The following CDH18 variants were observed in gnomAD, a reference collection of about 807,000 sequenced individuals.
CDH18 encodes cadherin-18.
CDH18 carries 31 observed loss-of-function variants against 67.9 expected under a neutral mutation model. That is an observed-to-expected ratio of 0.46 (90% CI 0.34 to 0.62). CDH18 has a LOEUF of 0.62. Ranked by LOEUF, CDH18 falls within the 20% of genes least tolerant of loss-of-function variation. The pLI, the probability that CDH18 is intolerant of heterozygous loss-of-function variation, is 0.01. For missense variants in CDH18, 890 were observed against 975.5 expected, an observed-to-expected ratio of 0.91 and a Z score of 1.17; for synonymous variants, 362 against 347.2, an observed-to-expected ratio of 1.04 and a Z score of -0.48.
At chr5:20,521,238 A>C (rs1323538120) in intron 1 of CDH18, among the ~76,000 whole-genome samples, 1 of 152,100 alleles carries the variant, frequency 6.6e-6, no homozygotes, top group African/African-American at 2.4e-5. Flanking sequence ...GAAATGTTTT[A>C]TTTCTTGACT....
chr5:19,848,269 G>A (rs1274625945), intron 2 of CDH18: 2 of 152,164 alleles, frequency 1.3e-5, no homozygotes, highest in Non-Finnish European at 2.9e-5. Context: ...AAGCTAGAAT[G>A]TTGGACACAT....
chr5:20,027,018 A>G (rs1738964506), intron 2 of CDH18, among the ~76,000 whole-genome samples: 1 of 151,934 alleles, frequency 6.6e-6, no homozygotes, highest in Non-Finnish European at 1.5e-5. Context: ...ACATAAAAAA[A>G]TAAATAAATA....
chr5:20,528,881 A>C (rs1756227620), intron 1 of CDH18, among the ~76,000 whole-genome samples: 1 of 152,108 alleles, frequency 6.6e-6, no homozygotes. Context: ...GGAGACAAGA[A>C]ATAACCAAGT....
At chr5:20,171,931 T>C (rs551140481) in intron 2 of CDH18, among the ~76,000 whole-genome samples, 5 of 151,554 alleles carry the variant, frequency 3.3e-5, no homozygotes, top group African/African-American at 1.2e-4. Context: ...AGTTTCAGCC[T>C]TCTGCATATG....
At chr5:19,737,260 T>C (rs1265070755) in intron 4 of CDH18, among the ~76,000 whole-genome samples, 1 of 152,194 alleles carries the variant, frequency 6.6e-6, no homozygotes, top group Admixed American at 6.5e-5. Context: ...GTAGTCATTC[T>C]ATACCCAATT....
At chr5:20,184,524 G>C (rs2126695766) in intron 2 of CDH18, among the ~76,000 whole-genome samples, 1 of 152,150 alleles carries the variant, frequency 6.6e-6, no homozygotes. Flanking sequence ...CACTGTTTCT[G>C]TGATAAGAAA....
intron 1 of CDH18, among the ~76,000 whole-genome samples, chr5:20,451,097 G>C (rs1465585993): frequency 6.6e-6 from 1 of 152,118 alleles, no homozygotes; most frequent in East Asian, 1.9e-4. Flanking sequence ...ACTTGGGTGG[G>C]GACACAGCCA....
At position 20,374,496 on chromosome 5, in the gene CDH18, G is replaced by A. The variant is rs569605072; in HGVS notation, c.-579-118991C>T. Among the ~76,000 whole-genome samples, 18 of 152,220 alleles carry A rather than the reference G, an allele frequency of 1.2e-4. No individual in the cohort carries two copies. In the East Asian group the frequency reaches 3.5e-3, roughly 29 times the overall value. ...TCTTGGGGTTTGAATTTAATCTAAG[G>A]AATTCCCTAGTGTTTTACAAAATAT... On this transcript the variant is annotated intron_variant, in intron 1 of 14. Transcript: ENST00000507958.
At chr5:20,555,113 G>A (rs1038544240) in intron 1 of CDH18, among the ~76,000 whole-genome samples, 1 of 152,066 alleles carries the variant, frequency 6.6e-6, no homozygotes, top group Non-Finnish European at 1.5e-5. Flanking sequence ...AGACATAAAG[G>A]TAGTCTTGCA....
intron 2 of CDH18, among the ~76,000 whole-genome samples, chr5:19,869,785 G>A (rs114999043): frequency 7.2e-5 from 11 of 152,056 alleles, no homozygotes; most frequent in South Asian, 2.1e-4. Context: ...GAGTAGTTCC[G>A]TTTCAATTCA....
chr5:19,762,239 A>G (rs1163024423), intron 3 of CDH18, among the ~76,000 whole-genome samples: 1 of 152,192 alleles, frequency 6.6e-6, no homozygotes, highest in Non-Finnish European at 1.5e-5. Flanking sequence ...AAAATAGACA[A>G]ATGGGATCTA....
intron 1 of CDH18, among the ~76,000 whole-genome samples, chr5:20,421,439 A>G (rs1430367830): frequency 1.3e-5 from 2 of 150,808 alleles, no homozygotes; most frequent in Non-Finnish European, 2.9e-5. Context: ...TTGGGTGTCA[A>G]TCAAGAGTGT....
chr5:20,556,276 G>A (rs140359474), intron 1 of CDH18, among the ~76,000 whole-genome samples: 231 of 152,250 alleles, frequency 1.5e-3, no homozygotes, highest in African/African-American at 4.9e-3. Context: ...AAAGTGCTCA[G>A]CAGATCTAAA....
intron 2 of CDH18, among the ~76,000 whole-genome samples, chr5:20,192,254 T>C (rs1738604094): frequency 1.3e-5 from 2 of 151,850 alleles, no homozygotes. Flanking sequence ...GGATAATAGA[T>C]CTTTGTCATA....
intron 1 of CDH18, chr5:20,305,675 C>G: frequency 2.1e-6 from 1 of 479,246 alleles, no homozygotes; most frequent in East Asian, 4.1e-5. Context: ...AGGGGAGATC[C>G]TCACGCTGTG....
chr5:20,487,614 A>G (rs1317742983), intron 1 of CDH18, among the ~76,000 whole-genome samples: 1 of 151,356 alleles, frequency 6.6e-6, no homozygotes, highest in Non-Finnish European at 1.5e-5. Flanking sequence ...ATATCACTAT[A>G]CAGCCAAAGT....
chr5:20,267,796 T>A (rs1745150542), intron 1 of CDH18, among the ~76,000 whole-genome samples: 1 of 152,234 alleles, frequency 6.6e-6, no homozygotes, highest in African/African-American at 2.4e-5. Context: ...GTCAATTTTA[T>A]ATAATTTCAA....
intron 1 of CDH18, among the ~76,000 whole-genome samples, chr5:20,271,924 C>G (rs200482783): frequency 3.4e-5 from 5 of 146,562 alleles, no homozygotes; most frequent in African/African-American, 7.5e-5. Context: ...TGTAGAGAGG[C>G]AGAGAGAGAG....
At chr5:20,361,843 A>T (rs1742113515) in intron 1 of CDH18, among the ~76,000 whole-genome samples, 1 of 152,154 alleles carries the variant, frequency 6.6e-6, no homozygotes, top group Admixed American at 6.5e-5. Flanking sequence ...ATTTTAAATA[A>T]GAAAAATTTT....
Sources: gnomAD v4.1 joint callset for allele counts (sites outside exome capture counted in the v4.1 genomes callset) on GRCh38, gnomAD v4.1.1 for gene constraint, MANE v1.5 for transcripts, NCBI Gene and HGNC (gene_info 2026-07-23, HGNC 2026-07-21) for gene names.